The following SQOR variants were observed in gnomAD, a reference collection of about 807,000 sequenced individuals.
SQOR encodes the protein sulfide:quinone oxidoreductase, mitochondrial.
Under a neutral mutation model 48.6 loss-of-function variants are expected in SQOR, and 39 were observed. The observed-to-expected ratio is 0.80, with a 90% confidence interval of 0.62 to 1.05. The LOEUF is 1.05. SQOR is among the 50% of genes least tolerant of loss of function. The pLI is 0.00. For missense variants in SQOR, 561 were observed against 559.9 expected, an observed-to-expected ratio of 1.00 and a Z score of -0.02; for synonymous variants, 220 against 206.2, an observed-to-expected ratio of 1.07 and a Z score of -0.57.
Position 45,661,973 on chromosome 15 carries a change from A to G in SQOR, c.253A>G (p.Ile85Val), listed in dbSNP as rs200193729. The G allele has an allele frequency of 1.1e-5, 17 of 1,614,094 alleles. 1 individual carries two copies. Among genetic ancestry groups the G allele is most frequent in the Middle Eastern group, 1.7e-4 (1 of 6,060 alleles). Reference protein sequence around the residue: ...EPSERHFYQPIWTLVGAGAKQ... With the variant: ...EPSERHFYQPVWTLVGAGAKQ... Reference sequence around the variant, plus strand: ...TTCTCAGAGACATTTCTACCAGCCAATCTGGACACTGGTGGGTGCTGGTGC... The same window carrying G: ...TTCTCAGAGACATTTCTACCAGCCAGTCTGGACACTGGTGGGTGCTGGTGC... The change falls in exon 3 of 10, where the codon ATC (isoleucine) becomes GTC (valine). Residue 85 changes from isoleucine (I) to valine (V), a missense_variant. Physicochemically the swap from Ile to Val is conservative, Grantham distance 29. Coordinates refer to ENST00000260324, the MANE Select transcript of SQOR (RefSeq NM_021199.4).
intron 4 of SQOR, 148 bp downstream of exon 4, chr15:45,670,129 G>T (rs1889913060): frequency 1.4e-6 from 1 of 736,886 alleles, no homozygotes; most frequent in Non-Finnish European, 2.3e-6. Context: ...TCCTTTTACA[G>T]TTTTAAGGAA....
intron 1 of SQOR, among the ~76,000 whole-genome samples, chr15:45,642,979 T>G (rs1042673906): frequency 7.9e-5 from 12 of 152,348 alleles, no homozygotes; most frequent in African/African-American, 2.9e-4. Context: ...AAACTGGTTT[T>G]GTTTCTCCTC....
intron 1 of SQOR, among the ~76,000 whole-genome samples, chr15:45,644,192 T>A (rs375239577): frequency 4.6e-5 from 7 of 152,008 alleles, no homozygotes; most frequent in Non-Finnish European, 8.8e-5. Flanking sequence ...GGTTCAAGCG[T>A]TTCTCCTGCC....
chr15:45,652,872 C>T (rs1349816683), intron 1 of SQOR, among the ~76,000 whole-genome samples: 7 of 150,796 alleles, frequency 4.6e-5, no homozygotes, highest in Admixed American at 6.6e-5. Context: ...TCGTGGGGGC[C>T]GGAGACAGGA....
chr15:45,641,216 A>G (rs995426703), intron 1 of SQOR, among the ~76,000 whole-genome samples: 1 of 152,202 alleles, frequency 6.6e-6, no homozygotes, highest in Non-Finnish European at 1.5e-5. Flanking sequence ...TTCTCTTGTT[A>G]CAATGCATTC....
chr15:45,641,715 C>A (rs143469417), intron 1 of SQOR, among the ~76,000 whole-genome samples: 1 of 152,304 alleles, frequency 6.6e-6, no homozygotes, highest in African/African-American at 2.4e-5. Flanking sequence ...GAACAACACT[C>A]ATTCAGTTTT....
At chr15:45,643,474 C>T (rs1275916723) in intron 1 of SQOR, among the ~76,000 whole-genome samples, 1 of 152,162 alleles carries the variant, frequency 6.6e-6, no homozygotes, top group Admixed American at 6.5e-5. Context: ...GGATTACAGG[C>T]GTGAGCCACC....
intron 3 of SQOR, among the ~76,000 whole-genome samples, chr15:45,667,409 AC>A (rs1566920210): frequency 6.6e-6 from 1 of 152,126 alleles, no homozygotes; most frequent in Non-Finnish European, 1.5e-5. Context: ...GTCAGAGTTT[AC>A]GTCTTCTGAC....
chr15:45,655,684 T>C (rs1889591011), intron 1 of SQOR, among the ~76,000 whole-genome samples: 1 of 151,414 alleles, frequency 6.6e-6, no homozygotes, highest in South Asian at 2.1e-4. Flanking sequence ...AGTATATCTT[T>C]TTTTTTTTTT....
intron 1 of SQOR, among the ~76,000 whole-genome samples, chr15:45,635,669 C>A (rs1894990182): frequency 6.6e-6 from 1 of 152,194 alleles, no homozygotes; most frequent in African/African-American, 2.4e-5. Flanking sequence ...TTCCTTTCCT[C>A]TTCATCTGTC....
chr15:45,669,819 A>G, intron 3 of SQOR, 109 bp from the exon 4 acceptor site: 1 of 903,956 alleles, frequency 1.1e-6, no homozygotes. Flanking sequence ...GGCTAATAAT[A>G]TTTCCCTGCC....
chr15:45,688,465 G>T, intron 8 of SQOR, 61 bp downstream of exon 8: 2 of 1,245,454 alleles, frequency 1.6e-6, no homozygotes, highest in Non-Finnish European at 2.2e-6. Context: ...TGTAAAAGTA[G>T]TGTTTTCCCA....
intron 1 of SQOR, among the ~76,000 whole-genome samples, chr15:45,644,330 C>G (rs1895162528): frequency 6.6e-6 from 1 of 152,200 alleles, no homozygotes; most frequent in Non-Finnish European, 1.5e-5. Flanking sequence ...AAGTGATCCA[C>G]CTGCCTCGGC....
chr15:45,637,937 G>A (rs897506660), intron 1 of SQOR, among the ~76,000 whole-genome samples: 14 of 152,136 alleles, frequency 9.2e-5, no homozygotes, highest in African/African-American at 3.4e-4. Context: ...TGGTAAATAG[G>A]AGCAGTTTGG....
At chr15:45,655,850 AT>A (rs144203234) in intron 1 of SQOR, among the ~76,000 whole-genome samples, 2 of 150,776 alleles carry the variant, frequency 1.3e-5, no homozygotes, top group Non-Finnish European at 3.0e-5. Flanking sequence ...TGCCCAGCTA[AT>A]TTTTTTTTGT....
chr15:45,652,335 T>G (rs146031066), intron 1 of SQOR, among the ~76,000 whole-genome samples: 142 of 151,746 alleles, frequency 9.4e-4, no homozygotes, highest in African/African-American at 3.3e-3. Flanking sequence ...CATTGAGTGA[T>G]TGATTGATTG....
intron 7 of SQOR, 81 bp downstream of exon 7, chr15:45,682,742 C>T: frequency 6.6e-7 from 1 of 1,519,312 alleles, no homozygotes; most frequent in South Asian, 1.2e-5. Context: ...ACAAGCTTGG[C>T]ATCGGCCAGA....
At chr15:45,670,367 G>C (rs1889917126) in intron 4 of SQOR, among the ~76,000 whole-genome samples, 1 of 152,172 alleles carries the variant, frequency 6.6e-6, no homozygotes, top group South Asian at 2.1e-4. Context: ...ACTTTAAGGG[G>C]TGGAACACCA....
At chr15:45,688,760 G>A (rs111547641) in intron 8 of SQOR, among the ~76,000 whole-genome samples, 11,875 of 152,062 alleles carry the variant, frequency 0.078, 539 homozygotes, top group South Asian at 0.1. Context: ...TGATCCACCC[G>A]CCTTGGCCTC....
Sources: allele counts gnomAD v4.1 joint callset (sites outside exome capture counted in the v4.1 genomes callset), GRCh38; gene constraint gnomAD v4.1.1; transcripts MANE v1.5; gene names NCBI Gene and HGNC (gene_info 2026-07-23, HGNC 2026-07-21).